The following IMMP2L variants were observed in gnomAD, a reference collection of about 807,000 sequenced individuals.
The protein encoded by IMMP2L is mitochondrial inner membrane protease subunit 2.
IMMP2L carries 18 observed loss-of-function variants against 19.3 expected under a neutral mutation model. The ratio of observed to expected loss-of-function variants is 0.93; its 90% CI spans 0.64 to 1.38. The LOEUF (loss-of-function observed/expected upper bound fraction) is 1.38. IMMP2L is among the 40% of genes most tolerant of loss of function. IMMP2L has a pLI of 0.00. For synonymous variants in IMMP2L, 76 were observed against 73.0 expected (o/e 1.04, Z -0.21); for missense variants, 233 against 218.2 (o/e 1.07, Z -0.43).
At chr7:111,482,916 G>A (rs1323261776) in intron 3 of IMMP2L, among the ~76,000 whole-genome samples, 1 of 152,030 alleles carries the variant, frequency 6.6e-6, no homozygotes. Context: ...AAAAGACAAA[G>A]ATCAAGGAAC....
Position 110,713,542 on chromosome 7 carries a change from G to A in IMMP2L, c.409-49821C>T, listed in dbSNP as rs575819631. On this transcript the variant is annotated intron_variant, in intron 5 of 5. Transcript: ENST00000405709. ...GGATATTAATTCTTCCAATCAATGA[G>A]CATAGGATGTTTTTCCATTTGTTTG... Among the ~76,000 whole-genome samples, 3 of 152,234 alleles carry A rather than the reference G, an allele frequency of 2.0e-5. No individual in the cohort carries two copies. In the East Asian group the frequency reaches 5.8e-4, roughly 29 times the overall value.
At chr7:110,979,984 G>A (rs998286686) in intron 3 of IMMP2L, among the ~76,000 whole-genome samples, 11 of 152,058 alleles carry the variant, frequency 7.2e-5, no homozygotes, top group Non-Finnish European at 1.2e-4. Context: ...AAAAGTCATG[G>A]AACCTGGATT....
At chr7:110,963,640 C>A (rs1819209398) in intron 3 of IMMP2L, 75 bp from the exon 4 acceptor site, 2 of 861,024 alleles carry the variant, frequency 2.3e-6, no homozygotes. Context: ...AATTCTATAA[C>A]AAAATAGGCT....
intron 3 of IMMP2L, among the ~76,000 whole-genome samples, chr7:111,241,850 G>GA (rs933245712): frequency 3.3e-5 from 5 of 151,430 alleles, no homozygotes; most frequent in African/African-American, 1.2e-4. Flanking sequence ...ATTACAGTGG[G>GA]AAAAAAAAGT....
chr7:110,757,173 G>C lies in IMMP2L; in HGVS notation c.409-93452C>G, dbSNP rs759125596. Among the ~76,000 whole-genome samples the C allele has an allele frequency of 1.8e-4, 28 of 152,174 alleles. 1 individual carries two copies. The Middle Eastern group carries it at 0.02, about 111-fold the overall frequency. ...TGGAGAAAAATAAAGTCAGAAAGAG[G>C]CATAGGGAGGGAATCCAGTGTTGGA... On this transcript the variant is annotated intron_variant, in intron 5 of 5. Coordinates refer to ENST00000405709, the MANE Select transcript of IMMP2L (RefSeq NM_032549.4). This position sits in a 1 kb window ranked among gnomAD's most constrained non-coding sequence, Gnocchi z 4.2.
intron 3 of IMMP2L, among the ~76,000 whole-genome samples, chr7:111,435,110 A>G (rs1837019213): frequency 6.6e-6 from 1 of 151,964 alleles, no homozygotes; most frequent in African/African-American, 2.4e-5. Context: ...CAAGCTCTAT[A>G]GAAAACTGTA....
At chr7:110,994,986 C>T (rs1822882441) in intron 3 of IMMP2L, among the ~76,000 whole-genome samples, 1 of 151,940 alleles carries the variant, frequency 6.6e-6, no homozygotes, top group Non-Finnish European at 1.5e-5. Context: ...CAGAAAAGGC[C>T]CACAGCTATA....
chr7:111,443,356 A>G (rs531195072), intron 3 of IMMP2L, among the ~76,000 whole-genome samples: 1 of 149,674 alleles, frequency 6.7e-6, no homozygotes, highest in African/African-American at 2.6e-5. Context: ...AGACAACTGG[A>G]GTACTACGAC....
intron 5 of IMMP2L, among the ~76,000 whole-genome samples, chr7:110,798,640 C>G (rs551186144): frequency 4.0e-5 from 6 of 151,756 alleles, no homozygotes; most frequent in Non-Finnish European, 5.9e-5. Context: ...AATTTAAAGC[C>G]AAATAGGAAG....
intron 3 of IMMP2L, among the ~76,000 whole-genome samples, chr7:111,153,096 A>G (rs1378114565): frequency 1.3e-5 from 2 of 152,160 alleles, no homozygotes; most frequent in South Asian, 2.1e-4. Context: ...AAGGAAGCAT[A>G]TATCTCTAAA....
intron 3 of IMMP2L, among the ~76,000 whole-genome samples, chr7:111,258,769 G>T (rs976484097): frequency 2.0e-5 from 3 of 152,078 alleles, no homozygotes; most frequent in Admixed American, 6.6e-5. Flanking sequence ...ACTTCCTAAA[G>T]TGCTGGGCTT....
At chr7:111,363,099 T>C (rs1829417507) in intron 3 of IMMP2L, among the ~76,000 whole-genome samples, 1 of 152,086 alleles carries the variant, frequency 6.6e-6, no homozygotes, top group Non-Finnish European at 1.5e-5. Flanking sequence ...CTTTTTTTCA[T>C]ACACACATGA....
chr7:111,434,988 C>T (rs1837008707), intron 3 of IMMP2L, among the ~76,000 whole-genome samples: 1 of 151,772 alleles, frequency 6.6e-6, no homozygotes, highest in Non-Finnish European at 1.5e-5. Context: ...TTTCTCATAC[C>T]ATCTTTCACC....
chr7:111,501,700 A>G (rs1844281737), intron 2 of IMMP2L, among the ~76,000 whole-genome samples: 1 of 152,172 alleles, frequency 6.6e-6, no homozygotes, highest in South Asian at 2.1e-4. Flanking sequence ...TTTTCAACCC[A>G]GAATTTCATA....
chr7:110,795,516 G>C (rs971504011), intron 5 of IMMP2L, among the ~76,000 whole-genome samples: 1 of 152,054 alleles, frequency 6.6e-6, no homozygotes, highest in African/African-American at 2.4e-5. Flanking sequence ...TGCTGACAGT[G>C]CTTTTTACTT....
intron 1 of IMMP2L, among the ~76,000 whole-genome samples, chr7:111,539,913 GT>G (rs1185184771): frequency 6.6e-6 from 1 of 151,904 alleles, no homozygotes; most frequent in African/African-American, 2.4e-5. Flanking sequence ...AACAAAATGG[GT>G]TTTTGATAAG....
intron 5 of IMMP2L, among the ~76,000 whole-genome samples, chr7:110,814,653 C>T (rs569645702): frequency 3.2e-4 from 47 of 148,860 alleles, no homozygotes; most frequent in African/African-American, 1.1e-3. Context: ...CTTACTCTAT[C>T]GCTCAGAGTA....
intron 5 of IMMP2L, among the ~76,000 whole-genome samples, chr7:110,840,287 T>C (rs780659076): frequency 1.1e-4 from 16 of 152,142 alleles, no homozygotes; most frequent in Non-Finnish European, 2.2e-4. Context: ...TCCTTTTTCA[T>C]ACCTTTGTAA....
At chr7:111,184,341 G>T (rs937524743) in intron 3 of IMMP2L, among the ~76,000 whole-genome samples, 1 of 151,862 alleles carries the variant, frequency 6.6e-6, no homozygotes, top group African/African-American at 2.4e-5. Context: ...CACCCTGAAA[G>T]GTATCATCAT....
Sources: allele counts gnomAD v4.1 joint callset (sites outside exome capture counted in the v4.1 genomes callset), GRCh38; gene constraint gnomAD v4.1.1; non-coding constraint Gnocchi (gnomAD v3.1); transcripts MANE v1.5; gene names NCBI Gene and HGNC (gene_info 2026-07-23, HGNC 2026-07-21).